The following TUSC3 variants were observed in gnomAD, a reference collection of about 807,000 sequenced individuals.
TUSC3 encodes tumor suppressor candidate 3.
A neutral mutation model predicts 44.8 loss-of-function variants in TUSC3; 45 were observed. That is an observed-to-expected ratio of 1.00 (90% CI 0.79 to 1.29). The LOEUF (loss-of-function observed/expected upper bound fraction) is 1.29, where lower values mean the gene tolerates loss of function less well. Among genes scored for constraint, TUSC3 ranks in the 50% most tolerant of loss-of-function variants. The pLI, the probability that TUSC3 is intolerant of heterozygous loss-of-function variation, is 0.00. For synonymous variants in TUSC3, 212 were observed against 152.9 expected, an observed-to-expected ratio of 1.39 and a Z score of -2.85; for missense variants, 519 against 437.9, an observed-to-expected ratio of 1.19 and a Z score of -1.65.
At chr8:15,835,416 T>G in the TUSC3 span, among the ~76,000 whole-genome samples, 1 of 152,274 alleles carries the variant, frequency 6.6e-6, no homozygotes, top group African/African-American at 2.4e-5. Flanking sequence ...TAGTTCACAC[T>G]TTTTCTCTTT....
At chr8:15,489,465 C>G (rs1167430183) in intron 2 of TUSC3, among the ~76,000 whole-genome samples, 2 of 152,160 alleles carry the variant, frequency 1.3e-5, no homozygotes, top group African/African-American at 4.8e-5. Flanking sequence ...CAGCTAATCT[C>G]TTCAGGATCA....
chr8:15,510,755 C>A (rs1414311693), intron 2 of TUSC3, among the ~76,000 whole-genome samples: 4 of 142,578 alleles, frequency 2.8e-5, no homozygotes, highest in African/African-American at 9.8e-5. Flanking sequence ...ACTCTCATTA[C>A]AAAACCAAGA....
rs141401739 is a variant in TUSC3 at position 15,688,306 on chromosome 8, G to A, written c.798+14470G>A. On this transcript the variant is annotated intron_variant, in intron 6 of 10. Transcript: ENST00000503731. ...TACATTTCAGTAACTCAGAAAAATT[G>A]TTTTCAATGCATGTTTATCAAGCAT... Among the ~76,000 whole-genome samples, 358 of 151,878 alleles carry A rather than the reference G, an allele frequency of 2.4e-3. 2 individuals are homozygous for A. Among genetic ancestry groups the A allele is most frequent in the African/African-American group, 8.3e-3 (345 of 41,414 alleles).
At chr8:15,512,779 C>CCAAT (rs3070875) in intron 2 of TUSC3, among the ~76,000 whole-genome samples, 140,086 of 146,200 alleles carry the variant, frequency 0.96, 67,347 homozygotes, top group Non-Finnish European at 1. Flanking sequence ...TTTCAGTCAA[C>CCAAT]CAATCAATCA....
chr8:15,768,657 G>C (rs1055007452), downstream of TUSC3, among the ~76,000 whole-genome samples: 7 of 152,158 alleles, frequency 4.6e-5, no homozygotes, highest in African/African-American at 1.7e-4. Context: ...CAAATTGTCT[G>C]TTTGTAGATG....
At chr8:15,677,186 A>C (rs1050348730) in intron 6 of TUSC3, among the ~76,000 whole-genome samples, 8 of 151,974 alleles carry the variant, frequency 5.3e-5, no homozygotes, top group African/African-American at 1.9e-4. Flanking sequence ...TTCCCCAAGA[A>C]ATAGGGTCTC....
chr8:15,772,511 G>A, the TUSC3 span, among the ~76,000 whole-genome samples: 2 of 152,102 alleles, frequency 1.3e-5, no homozygotes, highest in Non-Finnish European at 2.9e-5. Context: ...ACAAGAGATT[G>A]AACTGGTTAT....
chr8:15,460,096 C>T (rs1221900374), intron 1 of TUSC3, among the ~76,000 whole-genome samples: 1 of 152,128 alleles, frequency 6.6e-6, no homozygotes, highest in Non-Finnish European at 1.5e-5. Flanking sequence ...ACTTTTAGGT[C>T]TTTAAGGAAT....
chr8:15,784,098 G>T, the TUSC3 span, among the ~76,000 whole-genome samples: 1 of 152,088 alleles, frequency 6.6e-6, no homozygotes, highest in Admixed American at 6.6e-5. Context: ...ATGAAAAAAT[G>T]CTCGACAACA....
downstream of TUSC3, among the ~76,000 whole-genome samples, chr8:15,769,513 G>T (rs1386801097): frequency 6.6e-6 from 1 of 152,140 alleles, no homozygotes; most frequent in Admixed American, 6.5e-5. Flanking sequence ...CAGGACACAG[G>T]CATGGACAAA....
chr8:15,807,943 T>A, the TUSC3 span, among the ~76,000 whole-genome samples: 1 of 152,192 alleles, frequency 6.6e-6, no homozygotes, highest in African/African-American at 2.4e-5. Context: ...ACAGAGCATT[T>A]GCATCCCCAA....
the TUSC3 span, among the ~76,000 whole-genome samples, chr8:15,845,844 G>C: frequency 6.6e-6 from 1 of 152,098 alleles, no homozygotes; most frequent in African/African-American, 2.4e-5. Context: ...CAAAACTGCT[G>C]TACTGGTCCA....
At chr8:15,450,984 T>C (rs1800191067) in intron 1 of TUSC3, among the ~76,000 whole-genome samples, 1 of 152,076 alleles carries the variant, frequency 6.6e-6, no homozygotes, top group African/African-American at 2.4e-5. Flanking sequence ...ACTAACACCA[T>C]GGTCAATCCT....
At chr8:15,703,258 A>T (rs1346808444) in intron 6 of TUSC3, among the ~76,000 whole-genome samples, 1 of 152,158 alleles carries the variant, frequency 6.6e-6, no homozygotes, top group Non-Finnish European at 1.5e-5. Context: ...ACTTGAGCCT[A>T]ATTAATTATA....
chr8:15,607,643 A>G (rs1386405025), intron 1 of TUSC3, among the ~76,000 whole-genome samples: 2 of 152,128 alleles, frequency 1.3e-5, no homozygotes, highest in African/African-American at 4.8e-5. Flanking sequence ...ACAATTAACA[A>G]TTGACTGTGC....
intron 2 of TUSC3, among the ~76,000 whole-genome samples, chr8:15,639,959 G>A (rs1806288816): frequency 6.6e-6 from 1 of 152,114 alleles, no homozygotes; most frequent in African/African-American, 2.4e-5. Context: ...TGCCCATGCA[G>A]AAGAGAGTTA....
At chr8:15,731,794 TTG>T (rs1052534957) in intron 7 of TUSC3, among the ~76,000 whole-genome samples, 1 of 152,196 alleles carries the variant, frequency 6.6e-6, no homozygotes, top group African/African-American at 2.4e-5. Context: ...TATTACTTTG[TTG>T]TGTCATAACA....
At chr8:15,761,045 A>C (rs911507727) in intron 10 of TUSC3, among the ~76,000 whole-genome samples, 12 of 152,210 alleles carry the variant, frequency 7.9e-5, no homozygotes, top group Non-Finnish European at 1.5e-4. Flanking sequence ...CATTTTCTGC[A>C]ACATGCTTCT....
the TUSC3 span, among the ~76,000 whole-genome samples, chr8:15,814,373 A>C: frequency 6.6e-6 from 1 of 152,220 alleles, no homozygotes; most frequent in Non-Finnish European, 1.5e-5. Flanking sequence ...GAAAAAAATC[A>C]TATTTGAATA....
Sources: gnomAD v4.1 joint callset for allele counts (sites outside exome capture counted in the v4.1 genomes callset) on GRCh38, gnomAD v4.1.1 for gene constraint, MANE v1.5 for transcripts, NCBI Gene and HGNC (gene_info 2026-07-23, HGNC 2026-07-21) for gene names.